Variants in PPME1 observed in about 807,000 individuals in gnomAD.
PPME1 encodes protein phosphatase methylesterase 1, also known as testicular secretory protein Li 39.
In PPME1, 17 loss-of-function variants were observed where a neutral mutation model predicts 56.9. The observed-to-expected ratio is 0.30, with a 90% confidence interval of 0.20 to 0.45. PPME1 has a LOEUF of 0.45. Among genes scored for constraint, PPME1 ranks in the 20% least tolerant of loss-of-function variants. PPME1 has a pLI of 1.00. For missense variants in PPME1, 357 were observed against 483.2 expected, an observed-to-expected ratio of 0.74 and a Z score of 2.45; for synonymous variants, 122 against 156.2, an observed-to-expected ratio of 0.78 and a Z score of 1.63.
chr11:74,203,651 A>G lies in PPME1; in HGVS notation c.102-77A>G. 3.8e-6 allele frequency: 4 copies of G among 1,051,988 alleles called. No homozygotes were observed. In the South Asian group the frequency reaches 5.9e-5, roughly 15 times the overall value. 65.2% of individuals were successfully genotyped at this position (1,051,988 alleles called of 1,614,324 possible). A position where few individuals can be genotyped will look rare whatever the true frequency, so the allele number is the denominator to read the frequency against. On this transcript the variant is annotated intron_variant, in intron 1 of 13. Transcript: ENST00000328257. ...TTTGCTGTTTTCATTACTGACTTAC[A>G]TTTAGCATTTATTGACCAAGATTTT...
intron 1 of PPME1, among the ~76,000 whole-genome samples, chr11:74,202,881 A>C (rs1480853486): frequency 6.6e-6 from 1 of 152,180 alleles, no homozygotes; most frequent in Non-Finnish European, 1.5e-5. Flanking sequence ...AGAGATGTTG[A>C]AAACATACAT....
intron 1 of PPME1, among the ~76,000 whole-genome samples, chr11:74,184,921 A>G (rs1255978462): frequency 2.0e-5 from 3 of 151,506 alleles, no homozygotes; most frequent in Non-Finnish European, 4.4e-5. Context: ...ATATAAGCAA[A>G]TTGTGACTGG....
At chr11:74,221,140 A>C (rs1015658709) in intron 3 of PPME1, among the ~76,000 whole-genome samples, 6 of 152,134 alleles carry the variant, frequency 3.9e-5, no homozygotes, top group Non-Finnish European at 7.4e-5. Context: ...CATTGCTTTC[A>C]AGTTAAAGGT....
chr11:74,245,599 C>A (rs969965727), intron 9 of PPME1, among the ~76,000 whole-genome samples: 1 of 152,030 alleles, frequency 6.6e-6, no homozygotes. Context: ...GACAAATCAA[C>A]CTATTTTCAG....
At chr11:74,228,818 A>G (rs936999715) in intron 5 of PPME1, among the ~76,000 whole-genome samples, 2 of 152,186 alleles carry the variant, frequency 1.3e-5, no homozygotes, top group Non-Finnish European at 2.9e-5. Flanking sequence ...AGCACTGAAT[A>G]AGTATTAGTT....
intron 1 of PPME1, among the ~76,000 whole-genome samples, chr11:74,178,254 C>G (rs1399425270): frequency 1.3e-5 from 2 of 152,182 alleles, no homozygotes; most frequent in Non-Finnish European, 2.9e-5. Context: ...GGCCAAAGTC[C>G]TTTCCTAGCT....
In PPME1 at chr11:74,230,628, A is replaced by G. The variant is rs1239389692; in HGVS notation, c.553+229A>G. Among the ~76,000 whole-genome samples, 2 of 152,150 alleles carry G rather than the reference A, an allele frequency of 1.3e-5. No homozygotes were observed. The highest frequency in any genetic ancestry group is 2.4e-5 in the African/African-American group (1 of 41,438). On this transcript the variant is annotated intron_variant, in intron 6 of 13. Coordinates refer to ENST00000328257, the MANE Select transcript of PPME1 (RefSeq NM_016147.3). This position sits in a 1 kb window ranked among gnomAD's most constrained non-coding sequence, Gnocchi z 4.9. The stretch of plus-strand genomic sequence containing the variant: ...AATATTTCAATCCTATGTATGTCCC[A>G]TAATTGTATTTAATCATATAAAAAG...
chr11:74,227,102 A>C (rs1051711885), intron 5 of PPME1, among the ~76,000 whole-genome samples: 12 of 152,142 alleles, frequency 7.9e-5, no homozygotes, highest in African/African-American at 2.7e-4. Flanking sequence ...CTACAAAAAC[A>C]CTGGGTTGGG....
chr11:74,240,795 A>T (rs955652140), intron 9 of PPME1, among the ~76,000 whole-genome samples: 9 of 152,210 alleles, frequency 5.9e-5, no homozygotes, highest in Non-Finnish European at 1.3e-4. Flanking sequence ...TGCCCAAGGT[A>T]ATCAAGAACG....
At chr11:74,206,847 G>A (rs114345398) in intron 3 of PPME1, among the ~76,000 whole-genome samples, 1,755 of 152,202 alleles carry the variant, frequency 0.012, 30 homozygotes, top group African/African-American at 0.04. Flanking sequence ...GAATACAGGC[G>A]TGAGCCACCA....
chr11:74,248,584 T>C (rs550051867), intron 11 of PPME1: 1 of 152,360 alleles, frequency 6.6e-6, no homozygotes, highest in East Asian at 1.9e-4. Flanking sequence ...AATAGGACTA[T>C]GAGCTGGGAC....
chr11:74,253,627 C>T lies in PPME1; in HGVS notation c.*117C>T, dbSNP rs900962435. On this transcript the variant is annotated 3_prime_UTR_variant, in exon 14 of 14. Coordinates refer to ENST00000328257, the MANE Select transcript of PPME1 (RefSeq NM_016147.3). ...CGCCCAGCCATGTGACACTGGCTCC[C>T]GGTAGACGGGCACCCCGAGATGTAC... 3.1e-5 allele frequency: 36 copies of T among 1,175,430 alleles called. No individual in the cohort carries two copies. In the Middle Eastern group the frequency reaches 5.8e-4, roughly 19 times the overall value. 72.8% of individuals were successfully genotyped at this position (1,175,430 alleles called of 1,614,324 possible).
intron 1 of PPME1, among the ~76,000 whole-genome samples, chr11:74,199,477 T>G (rs1003719394): frequency 1.6e-4 from 25 of 152,180 alleles, no homozygotes; most frequent in Non-Finnish European, 1.5e-5. Context: ...TCCTTTTTTT[T>G]GGGAGAGACA....
At chr11:74,200,968 C>T (rs1858146422) in intron 1 of PPME1, among the ~76,000 whole-genome samples, 1 of 151,136 alleles carries the variant, frequency 6.6e-6, no homozygotes, top group South Asian at 2.1e-4. Context: ...AACTACAGGC[C>T]TTTTTTTTCT....
At chr11:74,239,088 G>T (rs1859276577) in intron 8 of PPME1, 45 bp from the exon 9 acceptor site, 1 of 1,559,376 alleles carries the variant, frequency 6.4e-7, no homozygotes, top group African/African-American at 1.4e-5. Flanking sequence ...GATAATTTGT[G>T]TATTGGAAAG....
At chr11:74,251,169 C>A in intron 12 of PPME1, 151 bp downstream of exon 12, 1 of 1,467,814 alleles carries the variant, frequency 6.8e-7, no homozygotes, top group South Asian at 1.4e-5. Context: ...TCCAACTTCT[C>A]CCTGGCAGCT....
chr11:74,213,596 G>C (rs1858538094), intron 3 of PPME1, among the ~76,000 whole-genome samples: 1 of 152,200 alleles, frequency 6.6e-6, no homozygotes, highest in South Asian at 2.1e-4. Context: ...AGGGGTACTT[G>C]TGTCACTCCA....
intron 1 of PPME1, among the ~76,000 whole-genome samples, chr11:74,186,635 TA>T (rs889075036): frequency 6.6e-6 from 1 of 152,112 alleles, no homozygotes; most frequent in Non-Finnish European, 1.5e-5. Context: ...TAAGTTATAG[TA>T]ATTTGGAAAA....
intron 9 of PPME1, among the ~76,000 whole-genome samples, chr11:74,244,794 G>A (rs1859464562): frequency 6.6e-6 from 1 of 152,142 alleles, no homozygotes; most frequent in Non-Finnish European, 1.5e-5. Flanking sequence ...CAAGTCTACT[G>A]TCCAGCTTTT....
Sources: gnomAD v4.1 joint callset for allele counts (sites outside exome capture counted in the v4.1 genomes callset) on GRCh38, gnomAD v4.1.1 for gene constraint, Gnocchi (gnomAD v3.1) non-coding constraint, MANE v1.5 for transcripts, NCBI Gene and HGNC (gene_info 2026-07-23, HGNC 2026-07-21) for gene names.